The following DACH1 variants were observed in gnomAD, a reference collection of about 807,000 sequenced individuals.
The protein encoded by DACH1 is dachshund family transcription factor 1.
Under a neutral mutation model 54.2 loss-of-function variants are expected in DACH1, and 12 were observed. That is an observed-to-expected ratio of 0.22 (90% CI 0.14 to 0.36). The LOEUF (loss-of-function observed/expected upper bound fraction) is 0.36, where lower values mean the gene tolerates loss of function less well. Ranked by LOEUF, DACH1 falls within the 10% of genes least tolerant of loss-of-function variation. The pLI, the probability that DACH1 is intolerant of heterozygous loss-of-function variation, is 1.00. For missense variants in DACH1, 805 were observed against 929.8 expected (o/e 0.87, Z 1.75); for synonymous variants, 386 against 366.2 (o/e 1.05, Z -0.62).
intron 1 of DACH1, among the ~76,000 whole-genome samples, chr13:71,709,034 T>C (rs1255236266): frequency 3.9e-5 from 6 of 151,914 alleles, no homozygotes; most frequent in Non-Finnish European, 8.8e-5. Flanking sequence ...TTTGTATTTT[T>C]AGTAGAGACG....
At chr13:71,509,090 T>G (rs1294852777) in intron 6 of DACH1, among the ~76,000 whole-genome samples, 8 of 152,178 alleles carry the variant, frequency 5.3e-5, no homozygotes, top group Non-Finnish European at 1.0e-4. Context: ...CCTTAACAGG[T>G]GCATTGCTTT....
chr13:71,656,928 A>ATATG (rs2138640301), intron 2 of DACH1, among the ~76,000 whole-genome samples: 1 of 129,882 alleles, frequency 7.7e-6, no homozygotes, highest in East Asian at 2.3e-4. Flanking sequence ...TTTCATATAT[A>ATATG]TATATATATA....
At chr13:71,548,907 ACT>A (rs909183439) in intron 6 of DACH1, among the ~76,000 whole-genome samples, 1 of 152,060 alleles carries the variant, frequency 6.6e-6, no homozygotes, top group Non-Finnish European at 1.5e-5. Flanking sequence ...ACAGAGCAAG[ACT>A]CTGTCACCAA....
At chr13:71,843,853 T>C (rs936576116) in intron 1 of DACH1, among the ~76,000 whole-genome samples, 1 of 152,236 alleles carries the variant, frequency 6.6e-6, no homozygotes, top group African/African-American at 2.4e-5. Context: ...TGGTGCAGGT[T>C]ACAGGCAGCT....
At chr13:71,677,869 A>C (rs1880666269) in intron 2 of DACH1, among the ~76,000 whole-genome samples, 1 of 151,948 alleles carries the variant, frequency 6.6e-6, no homozygotes. Flanking sequence ...ACAGGCGCCC[A>C]CCACCATGTC....
intron 1 of DACH1, among the ~76,000 whole-genome samples, chr13:71,695,301 T>C (rs1881765199): frequency 6.6e-6 from 1 of 152,174 alleles, no homozygotes; most frequent in Non-Finnish European, 1.5e-5. Flanking sequence ...CACAGACATG[T>C]GCTAGGTGAC....
intron 8 of DACH1, among the ~76,000 whole-genome samples, chr13:71,478,197 C>A (rs1222645015): frequency 1.3e-5 from 2 of 152,120 alleles, no homozygotes; most frequent in South Asian, 4.1e-4. Context: ...TCAATGTTTA[C>A]CTTGTTTTGA....
At chr13:71,797,310 G>A (rs189478455) in intron 1 of DACH1, among the ~76,000 whole-genome samples, 2 of 152,118 alleles carry the variant, frequency 1.3e-5, no homozygotes, top group East Asian at 3.9e-4. Context: ...CTTGCAGACA[G>A]TACATTCCAT....
chr13:71,477,281 C>T (rs1175877989), intron 8 of DACH1, among the ~76,000 whole-genome samples: 1 of 150,688 alleles, frequency 6.6e-6, no homozygotes, highest in Non-Finnish European at 1.5e-5. Context: ...CCACCACGCC[C>T]GGCTAATTTT....
At chr13:71,825,701 A>T (rs1374281987) in intron 1 of DACH1, among the ~76,000 whole-genome samples, 1 of 152,110 alleles carries the variant, frequency 6.6e-6, no homozygotes, top group Non-Finnish European at 1.5e-5. Flanking sequence ...TCTATTCATC[A>T]GCTGATGGAC....
At chr13:71,515,435 G>T (rs1163653526) in intron 6 of DACH1, among the ~76,000 whole-genome samples, 2 of 151,848 alleles carry the variant, frequency 1.3e-5, no homozygotes, top group Non-Finnish European at 2.9e-5. Context: ...AAATTAATGG[G>T]ATGTCTTAAC....
At chr13:71,738,380 G>A (rs890073905) in intron 1 of DACH1, among the ~76,000 whole-genome samples, 3 of 152,034 alleles carry the variant, frequency 2.0e-5, no homozygotes, top group Non-Finnish European at 4.4e-5. Context: ...TATTAATTGA[G>A]AAATAAAATT....
chr13:71,634,698 A>G (rs1005859218), intron 2 of DACH1, among the ~76,000 whole-genome samples: 3 of 152,040 alleles, frequency 2.0e-5, no homozygotes, highest in Admixed American at 1.3e-4. Flanking sequence ...ACCTTCCCCA[A>G]TCTACCCCAC....
intron 6 of DACH1, among the ~76,000 whole-genome samples, chr13:71,534,115 T>C (rs1882598342): frequency 6.6e-6 from 1 of 152,058 alleles, no homozygotes; most frequent in Non-Finnish European, 1.5e-5. Flanking sequence ...TTCTGTGCAA[T>C]ATGAGGGGTA....
intron 10 of DACH1, among the ~76,000 whole-genome samples, chr13:71,447,810 A>AG (rs1277562089): frequency 6.7e-6 from 1 of 150,272 alleles, no homozygotes; most frequent in Non-Finnish European, 1.5e-5. Flanking sequence ...TCCAGCCTGG[A>AG]GAAAAAAAAA....
intron 1 of DACH1, among the ~76,000 whole-genome samples, chr13:71,729,691 A>C (rs1260812832): frequency 6.6e-6 from 1 of 152,134 alleles, no homozygotes; most frequent in East Asian, 1.9e-4. Context: ...TAAAATATGC[A>C]TATGTGAATT....
At chr13:71,673,346 G>A (rs1333233617) in intron 2 of DACH1, among the ~76,000 whole-genome samples, 1 of 151,862 alleles carries the variant, frequency 6.6e-6, no homozygotes, top group African/African-American at 2.4e-5. Flanking sequence ...TGTTACATAG[G>A]AAAAAGAAGT....
chr13:71,445,025 C>G (rs1443921800), intron 10 of DACH1, among the ~76,000 whole-genome samples: 1 of 152,112 alleles, frequency 6.6e-6, no homozygotes, highest in East Asian at 1.9e-4. Context: ...CTAAGAATTA[C>G]TCTATAGCGC....
At position 71,438,249 on chromosome 13, in the gene DACH1, G is replaced by T. The variant is rs569372592; in HGVS notation, c.*2406C>A. 3.0e-4 allele frequency: 46 copies of T among 152,358 alleles called. No individual in the cohort carries two copies. Among genetic ancestry groups the T allele is most frequent in the African/African-American group, 1.1e-3 (45 of 41,512 alleles). The allele number at this position is 152,358 out of a possible 1,614,324, so 9.4% of individuals were successfully genotyped here. A position where few individuals can be genotyped will look rare whatever the true frequency, so the allele number is the denominator to read the frequency against. On this transcript the variant is annotated 3_prime_UTR_variant, in exon 11 of 11. Coordinates refer to ENST00000613252, the MANE Select transcript of DACH1 (RefSeq NM_080759.6). ...AAGATGAGTATGTTCTGTTCCAAGG[G>T]CTTGCATAGAGCGCAAATGTGGTTA...
Sources: allele counts gnomAD v4.1 joint callset (sites outside exome capture counted in the v4.1 genomes callset), GRCh38; gene constraint gnomAD v4.1.1; transcripts MANE v1.5; gene names NCBI Gene and HGNC (gene_info 2026-07-23, HGNC 2026-07-21).